CLCN6: variants seen among roughly 807,000 people sequenced by gnomAD.
CLCN6 encodes the protein Cl-/H+ antiporter 6, also known as H(+)/Cl(-) exchange transporter 6.
A neutral mutation model predicts 109.8 loss-of-function variants in CLCN6; 70 were observed. The ratio of observed to expected loss-of-function variants is 0.64; its 90% CI spans 0.53 to 0.78. The LOEUF is 0.78. Among genes scored for constraint, CLCN6 ranks in the 30% least tolerant of loss-of-function variants. The pLI is 0.00. For missense variants in CLCN6, 984 were observed against 1,142.3 expected (o/e 0.86, Z 2.00); for synonymous variants, 444 against 447.8 (o/e 0.99, Z 0.11).
At chr1:11,837,670 C>T (rs1570543102) in intron 20 of CLCN6, among the ~76,000 whole-genome samples, 171 bp downstream of exon 20, 1 of 152,084 alleles carries the variant, frequency 6.6e-6, no homozygotes, top group African/African-American at 2.4e-5. Context: ...GAAGCAACAG[C>T]GGTTTATTCC....
chr1:11,839,700 T>G lies in CLCN6; in HGVS notation c.2530-443T>G, dbSNP rs540766675. On this transcript the variant is annotated intron_variant, in intron 22 of 22. Transcript: ENST00000346436. ...CAGAGTCCTAACATAGTTTATGACG[T>G]GGCTTTGGAGTTCCCAACAACAGTG... is the stretch of plus-strand genomic sequence containing the variant. 2.0e-5 allele frequency among the ~76,000 whole-genome samples: 3 copies of G among 152,380 alleles called. No individual in the cohort carries two copies. In the South Asian group the frequency reaches 6.2e-4, roughly 32 times the overall value.
At chr1:11,810,848 T>C (rs1415469064) in intron 2 of CLCN6, among the ~76,000 whole-genome samples, 1 of 152,142 alleles carries the variant, frequency 6.6e-6, no homozygotes, top group Admixed American at 6.6e-5. Flanking sequence ...GGAGGATCGC[T>C]TAAAGCCAGG....
rs529897896 is a variant in CLCN6 at position 11,827,152 on chromosome 1, A to G, written c.771A>G (p.Pro257=). 1.1e-4 allele frequency: 172 copies of G among 1,613,928 alleles called. 2 individuals carry two copies. In the South Asian group the frequency reaches 1.8e-3, roughly 17 times the overall value. ...AAGVAAAFGA[P]IGGTLFSLEE... ...GAGTTGCTGCAGCTTTCGGGGCGCC[A>G]ATCGGGGGTACCTTGTTCAGTCTAG... Residue 257 remains proline (P), a synonymous_variant, in exon 10 of 23, where the codon CCA becomes CCG. Coordinates refer to ENST00000346436, the MANE Select transcript of CLCN6 (RefSeq NM_001286.5).
Position 11,823,490 on chromosome 1 carries a change from GA to G in CLCN6, c.454-209del, listed in dbSNP as rs1213625330. 4.1e-5 allele frequency among the ~76,000 whole-genome samples: 6 copies of G among 144,602 alleles called. No individual in the cohort carries two copies. In the East Asian group the frequency reaches 9.9e-4, roughly 24 times the overall value. 94.9% of individuals were successfully genotyped at this position (144,602 alleles called of 152,430 possible). A position where few individuals can be genotyped will look rare whatever the true frequency, so the allele number is the denominator to read the frequency against. On this transcript the variant is annotated intron_variant, in intron 6 of 22. Coordinates refer to ENST00000346436, the MANE Select transcript of CLCN6 (RefSeq NM_001286.5). ...GAAACTCTACCTCAAAAAAAAAAAAGAAAAAAAAGTGCAAGTCCTCCCATTG... is the reference window on the plus strand; with the variant it reads ...GAAACTCTACCTCAAAAAAAAAAAAGAAAAAAAGTGCAAGTCCTCCCATTG...
chr1:11,833,272 G>A (rs1471876840), intron 13 of CLCN6, among the ~76,000 whole-genome samples: 1 of 152,180 alleles, frequency 6.6e-6, no homozygotes, highest in African/African-American at 2.4e-5. Flanking sequence ...CACGGCCATA[G>A]TGACATTTTC....
intron 13 of CLCN6, among the ~76,000 whole-genome samples, chr1:11,832,886 G>A (rs1159605908): frequency 6.6e-6 from 1 of 152,224 alleles, no homozygotes; most frequent in Non-Finnish European, 1.5e-5. Flanking sequence ...TGTAGAAGTA[G>A]TAGAAGAAAT....
In CLCN6 at chr1:11,834,856, T is replaced by C. The variant is rs1008396099; in HGVS notation, c.1793+266T>C. Among the ~76,000 whole-genome samples, 2 of 152,168 alleles carry C rather than the reference T, an allele frequency of 1.3e-5. No individual in the cohort carries two copies. Among genetic ancestry groups the C allele is most frequent in the African/African-American group, 4.8e-5 (2 of 41,432 alleles). The stretch of plus-strand genomic sequence containing the variant: ...ACTCCCATGGCATTCTGGTTAGATA[T>C]GAGGTGAGGTCTCTGGATCAAGTTC... On this transcript the variant is annotated intron_variant, in intron 17 of 22. Transcript: ENST00000346436. This position sits in a 1 kb window ranked among gnomAD's most constrained non-coding sequence, Gnocchi z 4.5.
At chr1:11,807,310 G>A in intron 2 of CLCN6, 120 bp downstream of exon 2, 2 of 832,540 alleles carry the variant, frequency 2.4e-6, no homozygotes, top group Non-Finnish European at 2.0e-6. Context: ...GGAGTGAGTG[G>A]GTAAGAGAAC....
chr1:11,823,217 G>A (rs1462017437), intron 6 of CLCN6, among the ~76,000 whole-genome samples: 1 of 152,192 alleles, frequency 6.6e-6, no homozygotes, highest in East Asian at 1.9e-4. Context: ...GCCACTTTGG[G>A]AGGCCAAGGC....
intron 13 of CLCN6, chr1:11,830,102 G>C (rs79092798): frequency 3.3e-5 from 5 of 152,370 alleles, no homozygotes; most frequent in East Asian, 1.9e-4. Context: ...TCCCTTCTTG[G>C]GGGGCGCGAT....
intron 13 of CLCN6, among the ~76,000 whole-genome samples, chr1:11,832,943 G>A (rs1644898965): frequency 6.6e-6 from 1 of 152,020 alleles, no homozygotes; most frequent in Non-Finnish European, 1.5e-5. Flanking sequence ...GGGTCTAGAA[G>A]GAGAGGCAGC....
intron 2 of CLCN6, among the ~76,000 whole-genome samples, chr1:11,814,281 T>C (rs1386916637): frequency 6.6e-6 from 1 of 150,752 alleles, no homozygotes; most frequent in East Asian, 2.0e-4. Flanking sequence ...TGTCTCACTT[T>C]GTTGCCCAGG....
Position 11,834,600 on chromosome 1 carries a change from T to C in CLCN6, c.1793+10T>C. On this transcript the variant is annotated intron_variant, in intron 17 of 22. Coordinates refer to ENST00000346436, the MANE Select transcript of CLCN6 (RefSeq NM_001286.5). The surrounding 1 kb of genome is among the most constrained non-coding windows in gnomAD (Gnocchi z 4.5). The stretch of plus-strand genomic sequence containing the variant: ...AGGTGGAAATGGACAAGTAAGGCCA[T>C]GATTTTGCTCATGTCCTAGTTTCAG... The C allele has an allele frequency of 6.2e-7, 1 of 1,611,012 alleles. No individual in the cohort carries two copies. Among genetic ancestry groups the C allele is most frequent in the Non-Finnish European group, 8.5e-7 (1 of 1,177,424 alleles).
chr1:11,830,436 C>T (rs1386337479), intron 13 of CLCN6, among the ~76,000 whole-genome samples: 1 of 151,998 alleles, frequency 6.6e-6, no homozygotes, highest in Non-Finnish European at 1.5e-5. Context: ...TACAGTGTAA[C>T]AATTATTTAC....
intron 20 of CLCN6, 121 bp downstream of exon 20, chr1:11,837,620 G>A (rs964997955): frequency 2.0e-6 from 2 of 1,012,164 alleles, no homozygotes; most frequent in Admixed American, 4.8e-5. Flanking sequence ...GAGAAGTGCA[G>A]AGTGGACTTA....
At chr1:11,838,750 T>C (rs769727223) in intron 22 of CLCN6, 90 bp downstream of exon 22, 1 of 1,579,738 alleles carries the variant, frequency 6.3e-7, no homozygotes, top group Non-Finnish European at 8.7e-7. Context: ...ACCAGAAACG[T>C]AGGCATCCCA....
chr1:11,807,008 T>C, intron 1 of CLCN6, 123 bp from the exon 2 acceptor site: 1 of 841,564 alleles, frequency 1.2e-6, no homozygotes. Flanking sequence ...TTTTGAGGGC[T>C]GGTTCCTATT....
At chr1:11,822,670 A>G (rs376630312) in intron 5 of CLCN6, 25 bp from the exon 6 acceptor site, 61 of 1,478,142 alleles carry the variant, frequency 4.1e-5, no homozygotes, top group Non-Finnish European at 5.5e-5. Context: ...CTGATGAACA[A>G]GTTTCCTTAA....
At position 11,834,737 on chromosome 1, in the gene CLCN6, G is replaced by A. The variant is rs2100654419; in HGVS notation, c.1793+147G>A. 1.3e-6 allele frequency: 1 copy of A among 752,444 alleles called. No individual in the cohort carries two copies. The highest frequency in any genetic ancestry group is 2.2e-6 in the Non-Finnish European group (1 of 457,368). The allele number at this position is 752,444 out of a possible 1,614,324, so 46.6% of individuals were successfully genotyped here. ...CCCATTCCTGAGCATGTGTGAGAATGTGGAGCAGCCCATGGGCTGGGGGCT... is the reference window on the plus strand; with the variant it reads ...CCCATTCCTGAGCATGTGTGAGAATATGGAGCAGCCCATGGGCTGGGGGCT... On this transcript the variant is annotated intron_variant, in intron 17 of 22. Coordinates refer to ENST00000346436, the MANE Select transcript of CLCN6 (RefSeq NM_001286.5). This position sits in a 1 kb window ranked among gnomAD's most constrained non-coding sequence, Gnocchi z 4.5.
Sources: gnomAD v4.1 joint callset for allele counts (sites outside exome capture counted in the v4.1 genomes callset) on GRCh38, gnomAD v4.1.1 for gene constraint, Gnocchi (gnomAD v3.1) non-coding constraint, MANE v1.5 for transcripts, NCBI Gene and HGNC (gene_info 2026-07-23, HGNC 2026-07-21) for gene names.